LHFPL6: variants seen among roughly 807,000 people sequenced by gnomAD.
LHFPL6 encodes the protein LHFPL tetraspan subfamily member 6, also known as LHFPL tetraspan subfamily member 6 protein.
LHFPL6 carries 9 observed loss-of-function variants against 20.6 expected under a neutral mutation model. That is an observed-to-expected ratio of 0.44 (90% CI 0.26 to 0.76). LHFPL6 has a LOEUF of 0.76. LHFPL6 is among the 30% of genes least tolerant of loss of function. The pLI is 0.20. For missense variants in LHFPL6, 218 were observed against 253.5 expected (o/e 0.86, Z 0.95); for synonymous variants, 105 against 98.7 (o/e 1.06, Z -0.38).
chr13:39,381,893 T>C (rs1196949915), intron 2 of LHFPL6, among the ~76,000 whole-genome samples: 1 of 151,508 alleles, frequency 6.6e-6, no homozygotes, highest in East Asian at 1.9e-4. Context: ...AACAGATGGA[T>C]TGGTTACAGC....
intron 2 of LHFPL6, among the ~76,000 whole-genome samples, chr13:39,432,112 A>T (rs1009921348): frequency 1.3e-5 from 2 of 152,166 alleles, no homozygotes; most frequent in Non-Finnish European, 2.9e-5. Context: ...GGACATCTAG[A>T]TGAATGAGTC....
At chr13:39,441,507 ATACTT>A (rs1281575408) in intron 2 of LHFPL6, among the ~76,000 whole-genome samples, 2 of 151,580 alleles carry the variant, frequency 1.3e-5, no homozygotes, top group Non-Finnish European at 2.9e-5. Flanking sequence ...CTGAAAAAAA[ATACTT>A]TATTATTATT....
chr13:39,348,584 C>T (rs1301393454), intron 3 of LHFPL6, among the ~76,000 whole-genome samples: 1 of 152,190 alleles, frequency 6.6e-6, no homozygotes, highest in Non-Finnish European at 1.5e-5. Flanking sequence ...TTCCTTGGCA[C>T]ATTTCCTCAA....
At chr13:39,570,773 G>A (rs188784819) in intron 2 of LHFPL6, among the ~76,000 whole-genome samples, 127 of 152,276 alleles carry the variant, frequency 8.3e-4, no homozygotes, top group African/African-American at 3.0e-3. Context: ...ATGTGAGTGC[G>A]TGTGAGTGAA....
chr13:39,352,977 A>ATGTG (rs1869630433), intron 3 of LHFPL6, among the ~76,000 whole-genome samples: 3 of 132,046 alleles, frequency 2.3e-5, no homozygotes, highest in East Asian at 2.4e-4. Flanking sequence ...ACACACATAT[A>ATGTG]TATATATATA....
chr13:39,472,282 C>T (rs548529254), intron 2 of LHFPL6, among the ~76,000 whole-genome samples: 42 of 152,240 alleles, frequency 2.8e-4, no homozygotes, highest in African/African-American at 8.9e-4. Flanking sequence ...CCATCCAATC[C>T]GAGATGCCTT....
intron 2 of LHFPL6, among the ~76,000 whole-genome samples, chr13:39,501,547 A>C (rs1869294554): frequency 6.6e-6 from 1 of 152,076 alleles, no homozygotes; most frequent in South Asian, 2.1e-4. Context: ...TTTCCTACAA[A>C]ACATATTGAG....
chr13:39,529,158 C>G (rs1047322452), intron 2 of LHFPL6, among the ~76,000 whole-genome samples: 2 of 151,982 alleles, frequency 1.3e-5, no homozygotes, highest in Admixed American at 1.3e-4. Context: ...GTGGCATGAT[C>G]TTGGCTCACT....
chr13:39,517,693 A>T (rs1869972299), intron 2 of LHFPL6, among the ~76,000 whole-genome samples: 3 of 152,044 alleles, frequency 2.0e-5, no homozygotes, highest in Admixed American at 2.0e-4. Flanking sequence ...TGGGGTTATT[A>T]TTATAATTTT....
At chr13:39,383,969 A>G (rs182220535) in intron 2 of LHFPL6, among the ~76,000 whole-genome samples, 1 of 152,228 alleles carries the variant, frequency 6.6e-6, no homozygotes, top group East Asian at 1.9e-4. Flanking sequence ...ATTCTTCAAA[A>G]CAGCTTCTCT....
chr13:39,600,381 C>G (rs1458587874), intron 2 of LHFPL6, among the ~76,000 whole-genome samples: 3 of 152,242 alleles, frequency 2.0e-5, no homozygotes, highest in Non-Finnish European at 2.9e-5. Flanking sequence ...AATTTTGCAT[C>G]CACCAAAGTG....
At position 39,600,887 on chromosome 13, in the gene LHFPL6, G is replaced by A. The variant is rs762584533; in HGVS notation, c.330C>T (p.Ser110=). Residue 110 remains serine, a synonymous_variant, in exon 2 of 4, where the codon TCC becomes TCT. Transcript: ENST00000379589. ...ALTALMGCCV[S]DLISRTVGRV... ...TTCCCACTGTCCTGGAGATGAGGTC[G>A]GAAACACAGCAACCCATGAGGGCAG... 24 of 1,550,652 alleles carry A rather than the reference G, an allele frequency of 1.5e-5. No individual in the cohort carries two copies. Among genetic ancestry groups the A allele is most frequent in the Middle Eastern group, 1.7e-4 (1 of 5,742 alleles).
chr13:39,354,926 G>A (rs1056548949), intron 3 of LHFPL6, among the ~76,000 whole-genome samples: 15 of 151,620 alleles, frequency 9.9e-5, no homozygotes, highest in African/African-American at 9.7e-5. Context: ...CCACACCTAC[G>A]ACTCACTGGC....
chr13:39,522,578 C>A (rs1218171997), intron 2 of LHFPL6, among the ~76,000 whole-genome samples: 1 of 152,238 alleles, frequency 6.6e-6, no homozygotes, highest in African/African-American at 2.4e-5. Flanking sequence ...CCTTCCACAT[C>A]CCTTTTAAGG....
chr13:39,496,788 C>A (rs551020950), intron 2 of LHFPL6, among the ~76,000 whole-genome samples: 2 of 152,256 alleles, frequency 1.3e-5, no homozygotes, highest in Non-Finnish European at 2.9e-5. Context: ...CCACAGGGAT[C>A]CAGGGGTGGC....
chr13:39,387,962 GGTGA>G, intron 2 of LHFPL6, among the ~76,000 whole-genome samples: 1 of 152,200 alleles, frequency 6.6e-6, no homozygotes, highest in East Asian at 1.9e-4. Flanking sequence ...CCTGGGGGCC[GGTGA>G]GTGAGAACCC....
At chr13:39,600,782 A>G in intron 2 of LHFPL6, 50 bp downstream of exon 2, 2 of 1,431,722 alleles carry the variant, frequency 1.4e-6, no homozygotes, top group Non-Finnish European at 1.8e-6. Flanking sequence ...ATAACTTTTA[A>G]TACTGCTTTG....
At chr13:39,384,428 A>AT (rs1466167592) in intron 2 of LHFPL6, among the ~76,000 whole-genome samples, 1 of 152,218 alleles carries the variant, frequency 6.6e-6, no homozygotes, top group Non-Finnish European at 1.5e-5. Context: ...CTGAAGTACT[A>AT]TTTTGTAAAG....
intron 2 of LHFPL6, among the ~76,000 whole-genome samples, chr13:39,561,867 CACA>C: frequency 6.6e-6 from 1 of 152,226 alleles, no homozygotes; most frequent in South Asian, 2.1e-4. Flanking sequence ...ACTTGATTCT[CACA>C]ACAATCCTCT....
Sources: allele counts gnomAD v4.1 joint callset (sites outside exome capture counted in the v4.1 genomes callset), GRCh38; gene constraint gnomAD v4.1.1; transcripts MANE v1.5; gene names NCBI Gene and HGNC (gene_info 2026-07-23, HGNC 2026-07-21).